RAD51: variants seen among roughly 807,000 people sequenced by gnomAD.
RAD51 encodes RAD51 recombinase, also known as DNA repair protein RAD51 homolog 1.
RAD51 carries 14 observed loss-of-function variants against 41.5 expected under a neutral mutation model. The observed-to-expected ratio is 0.34, with a 90% confidence interval of 0.22 to 0.53. RAD51 has a LOEUF of 0.53. Ranked by LOEUF, RAD51 falls within the 20% of genes least tolerant of loss-of-function variation. The probability of loss-of-function intolerance (pLI) is 0.95; values close to 1 mark genes in which losing one functional copy is unlikely to be tolerated. For missense variants in RAD51, 234 were observed against 422.0 expected, an observed-to-expected ratio of 0.55 and a Z score of 3.90; for synonymous variants, 136 against 148.6, an observed-to-expected ratio of 0.92 and a Z score of 0.62.
chr15:40,700,232 C>T (rs1425719459), intron 2 of RAD51, among the ~76,000 whole-genome samples: 1 of 152,124 alleles, frequency 6.6e-6, no homozygotes, highest in East Asian at 1.9e-4. Flanking sequence ...CTAATGAAAC[C>T]AAAGCTGACT....
At chr15:40,697,336 TTA>T in intron 1 of RAD51, among the ~76,000 whole-genome samples, 1 of 152,140 alleles carries the variant, frequency 6.6e-6, no homozygotes, top group Non-Finnish European at 1.5e-5. Flanking sequence ...ACTCCTGAAC[TTA>T]GGTGATCTGC....
chr15:40,727,239 A>G (rs1298124355), intron 6 of RAD51, among the ~76,000 whole-genome samples: 1 of 151,378 alleles, frequency 6.6e-6, no homozygotes, highest in Non-Finnish European at 1.5e-5. Flanking sequence ...TGGGATTACA[A>G]GCATGAGCCA....
chr15:40,728,783 C>T lies in RAD51; in HGVS notation c.603C>T (p.Thr201=). The change falls in exon 7 of 10, where the codon ACC becomes ACT. Residue 201 remains threonine, a synonymous_variant. Transcript: ENST00000267868. ...GAGCGTTCAACACAGACCACCAGAC[C>T]CAGCTCCTTTATCAAGCATCAGCCA... The part of the protein sequence containing the change: ...YARAFNTDHQ[T]QLLYQASAMM... The T allele has an allele frequency of 6.2e-7, 1 of 1,614,010 alleles. No individual in the cohort carries two copies. The highest frequency in any genetic ancestry group is 8.5e-7 in the Non-Finnish European group (1 of 1,179,932).
chr15:40,724,948 G>GGACTGCA (rs1433775149), intron 6 of RAD51, among the ~76,000 whole-genome samples: 3 of 135,464 alleles, frequency 2.2e-5, no homozygotes, highest in African/African-American at 8.7e-5. Context: ...GCCGGACTGC[G>GGACTGCA]GACTGCAGTG....
intron 6 of RAD51, among the ~76,000 whole-genome samples, chr15:40,727,227 G>T (rs1047431404): frequency 6.6e-6 from 1 of 151,992 alleles, no homozygotes; most frequent in Admixed American, 6.6e-5. Context: ...CTCCCAGAGT[G>T]CTGGGATTAC....
At chr15:40,704,417 G>A (rs547913743) in intron 3 of RAD51, among the ~76,000 whole-genome samples, 196 of 147,304 alleles carry the variant, frequency 1.3e-3, no homozygotes, top group African/African-American at 4.7e-3. Context: ...GCTGGAGTGC[G>A]GTGGTGTGAT....
chr15:40,730,590 C>T (rs1428652180), intron 9 of RAD51, among the ~76,000 whole-genome samples: 4 of 132,876 alleles, frequency 3.0e-5, no homozygotes, highest in African/African-American at 1.1e-4. Flanking sequence ...GGCACGATCT[C>T]GGCTCACTGC....
At chr15:40,729,127 CT>C (rs1896736572) in intron 7 of RAD51, among the ~76,000 whole-genome samples, 1 of 152,088 alleles carries the variant, frequency 6.6e-6, no homozygotes, top group Admixed American at 6.5e-5. Flanking sequence ...AATCCCAGCA[CT>C]TTGGGAGGCC....
intron 5 of RAD51, among the ~76,000 whole-genome samples, chr15:40,710,269 A>AAAAAAAGAG (rs1555427504): frequency 2.9e-5 from 3 of 104,362 alleles, no homozygotes; most frequent in African/African-American, 1.3e-4. Context: ...AAAAAAAAAA[A>AAAAAAAGAG]AGAAGAAGAA....
At chr15:40,728,949 T>C in intron 7 of RAD51, 125 bp downstream of exon 7, 1 of 828,412 alleles carries the variant, frequency 1.2e-6, no homozygotes, top group Non-Finnish European at 2.0e-6. Flanking sequence ...ATAATTCCTG[T>C]GTTGACACTC....
intron 6 of RAD51, among the ~76,000 whole-genome samples, chr15:40,726,399 G>A (rs1462286182): frequency 2.0e-5 from 3 of 151,690 alleles, no homozygotes; most frequent in Non-Finnish European, 4.4e-5. Context: ...TTACATGCGT[G>A]CACCACCACA....
At chr15:40,727,364 A>G (rs1008288586) in intron 6 of RAD51, among the ~76,000 whole-genome samples, 7 of 152,062 alleles carry the variant, frequency 4.6e-5, no homozygotes, top group Non-Finnish European at 7.4e-5. Flanking sequence ...GATGGAGTGC[A>G]GTGGTGCGAT....
chr15:40,705,302 C>T (rs1417898377), intron 3 of RAD51, among the ~76,000 whole-genome samples: 1 of 152,138 alleles, frequency 6.6e-6, no homozygotes, highest in African/African-American at 2.4e-5. Context: ...TGTGAATGCA[C>T]TTACTTTTCA....
chr15:40,729,715 C>T lies in RAD51; in HGVS notation c.774+81C>T. 7 of 1,609,866 alleles carry T rather than the reference C, an allele frequency of 4.3e-6. No homozygotes were observed. In the South Asian group the frequency reaches 7.7e-5, roughly 18 times the overall value. ...GAGCCTTGCTAGGAGGCTAAGACAT[C>T]AGTGCCTGAGATCATCAAGCTCTTA... On this transcript the variant is annotated intron_variant, in intron 8 of 9. Transcript: ENST00000267868.
Position 40,698,936 on chromosome 15 carries a change from C to T in RAD51, c.87+91C>T. The stretch of plus-strand genomic sequence containing the variant: ...AACCTTTACATAAAATATAGGTTTA[C>T]TACCAAGGTCAAGACCCAAATTAGA... On this transcript the variant is annotated intron_variant, in intron 2 of 9. Coordinates refer to ENST00000267868, the MANE Select transcript of RAD51 (RefSeq NM_002875.5). 5 of 1,317,652 alleles carry T rather than the reference C, an allele frequency of 3.8e-6. No homozygotes were observed. In the Middle Eastern group the frequency reaches 5.5e-4, roughly 144 times the overall value. 81.6% of individuals were successfully genotyped at this position (1,317,652 alleles called of 1,614,324 possible). A position where few individuals can be genotyped will look rare whatever the true frequency, so the allele number is the denominator to read the frequency against.
chr15:40,707,441 G>A (rs1895422851), intron 4 of RAD51, among the ~76,000 whole-genome samples: 1 of 151,750 alleles, frequency 6.6e-6, no homozygotes, highest in South Asian at 2.1e-4. Context: ...CAAGTAGCTG[G>A]GACTACAGGC....
At chr15:40,720,725 C>T (rs1178424398) in intron 6 of RAD51, among the ~76,000 whole-genome samples, 1 of 151,960 alleles carries the variant, frequency 6.6e-6, no homozygotes, top group Non-Finnish European at 1.5e-5. Flanking sequence ...AAAAAAACTT[C>T]ATTCACAGTA....
In RAD51 at chr15:40,715,354, CA is replaced by C. The variant is rs533136927; in HGVS notation, c.436-3442del. Among the ~76,000 whole-genome samples the C allele has an allele frequency of 2.5e-4, 26 of 102,502 alleles. No individual in the cohort carries two copies. The South Asian group carries it at 1.0e-2, about 39-fold the overall frequency. 67.2% of individuals were successfully genotyped at this position (102,502 alleles called of 152,430 possible). On this transcript the variant is annotated intron_variant, in intron 5 of 9. Transcript: ENST00000267868. ...TGGGCAACAGAGTAAGATTCTGTCT[CA>C]AAAAAAAACCAAAAACCAAAAAACC...
At position 40,695,303 on chromosome 15, in the gene RAD51, G is replaced by A. The variant is rs1348759507; in HGVS notation, c.-125G>A. On this transcript the variant is annotated 5_prime_UTR_variant, in exon 1 of 10. Transcript: ENST00000267868. ...GGTTGTGCGCAGAAGGCTGGGGCAA[G>A]CGAGTAGAGAAGTGGAGCGTAAGCC... is the stretch of plus-strand genomic sequence containing the variant. 6.6e-6 allele frequency: 1 copy of A among 152,474 alleles called. No homozygotes were observed. The highest frequency in any genetic ancestry group is 1.5e-5 in the Non-Finnish European group (1 of 68,210). 9.4% of individuals were successfully genotyped at this position (152,474 alleles called of 1,614,324 possible).
Sources: gnomAD v4.1 joint callset for allele counts (sites outside exome capture counted in the v4.1 genomes callset) on GRCh38, gnomAD v4.1.1 for gene constraint, MANE v1.5 for transcripts, NCBI Gene and HGNC (gene_info 2026-07-23, HGNC 2026-07-21) for gene names.